The following TNS3 variants were observed in gnomAD, a reference collection of about 807,000 sequenced individuals.
TNS3 encodes tensin-3.
In TNS3, 45 loss-of-function variants were observed where a neutral mutation model predicts 140.9. The observed-to-expected ratio is 0.32, with a 90% CI of 0.25 to 0.41. The LOEUF is 0.41. Among genes scored for constraint, TNS3 ranks in the 10% least tolerant of loss-of-function variants. The pLI, the probability that TNS3 is intolerant of heterozygous loss-of-function variation, is 1.00. For synonymous variants in TNS3, 815 were observed against 788.4 expected (o/e 1.03, Z -0.56); for missense variants, 1,716 against 1,906.7 (o/e 0.90, Z 1.86).
At chr7:47,488,293 C>G (rs1406481511) in intron 3 of TNS3, among the ~76,000 whole-genome samples, 2 of 152,146 alleles carry the variant, frequency 1.3e-5, no homozygotes, top group Non-Finnish European at 1.5e-5. Flanking sequence ...TGACACTGAC[C>G]CAAGTGTTTA....
chr7:47,295,695 C>A (rs1308737732), intron 24 of TNS3, among the ~76,000 whole-genome samples: 1 of 152,174 alleles, frequency 6.6e-6, no homozygotes, highest in Non-Finnish European at 1.5e-5. Context: ...TCTTTCCCAG[C>A]CTCACTCCCC....
chr7:47,488,641 C>T (rs2941546), intron 3 of TNS3, among the ~76,000 whole-genome samples: 107,787 of 152,176 alleles, frequency 0.71, 38,753 homozygotes, highest in East Asian at 0.86. Flanking sequence ...TCCTGCCATA[C>T]TCTGGGGTCC....
intron 4 of TNS3, among the ~76,000 whole-genome samples, chr7:47,451,198 T>C (rs115531105): frequency 0.01 from 1,564 of 152,226 alleles, 24 homozygotes; most frequent in African/African-American, 0.036. Flanking sequence ...AAAGAGAATA[T>C]CAGCTCCCCT....
chr7:47,478,615 A>G (rs1188806346), intron 4 of TNS3, among the ~76,000 whole-genome samples: 2 of 152,186 alleles, frequency 1.3e-5, no homozygotes, highest in South Asian at 2.1e-4. Flanking sequence ...ACATTTATAT[A>G]CATAATATAT....
chr7:47,329,891 G>C (rs529759670), intron 20 of TNS3, among the ~76,000 whole-genome samples: 1 of 152,304 alleles, frequency 6.6e-6, no homozygotes, highest in South Asian at 2.1e-4. Context: ...GCAGGGAGGA[G>C]GAGGCAGGGC....
intron 4 of TNS3, among the ~76,000 whole-genome samples, chr7:47,451,883 C>T (rs557518075): frequency 8.5e-5 from 13 of 152,292 alleles, no homozygotes; most frequent in Admixed American, 7.2e-4. Context: ...CCAGCACATA[C>T]GACTTGGGGG....
chr7:47,422,902 G>A (rs1794453550), intron 10 of TNS3, among the ~76,000 whole-genome samples: 1 of 151,830 alleles, frequency 6.6e-6, no homozygotes, highest in African/African-American at 2.4e-5. Context: ...CCAAGTGACT[G>A]TTTAACTAAA....
At chr7:47,437,766 ACACACAC>A (rs1795257631) in intron 6 of TNS3, among the ~76,000 whole-genome samples, 1 of 146,634 alleles carries the variant, frequency 6.8e-6, no homozygotes, top group Non-Finnish European at 1.5e-5. Flanking sequence ...ACACACACAC[ACACACAC>A]ACACACACAC....
At chr7:47,295,402 G>A (rs537148697) in intron 24 of TNS3, among the ~76,000 whole-genome samples, 4 of 152,158 alleles carry the variant, frequency 2.6e-5, no homozygotes, top group African/African-American at 9.6e-5. Context: ...CTGCAGACTC[G>A]CCAGATGCTC....
At chr7:47,317,844 C>T (rs898792162) in intron 20 of TNS3, among the ~76,000 whole-genome samples, 1 of 152,138 alleles carries the variant, frequency 6.6e-6, no homozygotes, top group Non-Finnish European at 1.5e-5. Flanking sequence ...GAGAGAGAGA[C>T]CCACCCGCTG....
chr7:47,362,088 G>A (rs527693588), intron 17 of TNS3, among the ~76,000 whole-genome samples: 1 of 152,160 alleles, frequency 6.6e-6, no homozygotes, highest in African/African-American at 2.4e-5. Context: ...GACCCAGAGT[G>A]GGGCGGGGAC....
intron 7 of TNS3, among the ~76,000 whole-genome samples, chr7:47,435,685 G>A (rs2151538727): frequency 6.6e-6 from 1 of 152,302 alleles, no homozygotes; most frequent in Non-Finnish European, 1.5e-5. Context: ...TGCTGATGGT[G>A]CAGGTTGTGT....
At chr7:47,500,508 A>T (rs958727388) in intron 3 of TNS3, among the ~76,000 whole-genome samples, 2 of 152,202 alleles carry the variant, frequency 1.3e-5, no homozygotes, top group African/African-American at 4.8e-5. Flanking sequence ...TGACGAGTAA[A>T]TGACAGAGCA....
intron 1 of TNS3, among the ~76,000 whole-genome samples, chr7:47,531,510 G>A (rs1326763664): frequency 2.0e-5 from 3 of 152,182 alleles, no homozygotes; most frequent in Non-Finnish European, 4.4e-5. Context: ...CAGATGAAGA[G>A]CACCAGAAAT....
intron 20 of TNS3, among the ~76,000 whole-genome samples, chr7:47,321,963 C>T (rs888012114): frequency 6.6e-6 from 1 of 152,116 alleles, no homozygotes; most frequent in Non-Finnish European, 1.5e-5. Flanking sequence ...CAAGGTTTTC[C>T]TGATGATGAA....
intron 16 of TNS3, 100 bp downstream of exon 16, chr7:47,396,700 T>A (rs913673579): frequency 1.0e-6 from 1 of 985,240 alleles, no homozygotes. Flanking sequence ...AGGGGAAATT[T>A]TTTCTTCTTA....
At chr7:47,336,207 A>AAG (rs1332596772) in intron 20 of TNS3, among the ~76,000 whole-genome samples, 6 of 148,204 alleles carry the variant, frequency 4.0e-5, no homozygotes, top group African/African-American at 1.5e-4. Context: ...AAAAAAAAAA[A>AAG]GGCAGTGAAT....
At chr7:47,397,130 T>A in intron 15 of TNS3, among the ~76,000 whole-genome samples, 1 of 152,212 alleles carries the variant, frequency 6.6e-6, no homozygotes, top group East Asian at 1.9e-4. Context: ...AAGTAAGCAC[T>A]GATCTTTCGT....
intron 4 of TNS3, among the ~76,000 whole-genome samples, chr7:47,469,276 G>A (rs1055186368): frequency 1.3e-5 from 2 of 152,150 alleles, no homozygotes; most frequent in African/African-American, 2.4e-5. Context: ...CTTAACAAAA[G>A]AAACTATCAA....
Sources: allele counts gnomAD v4.1 joint callset (sites outside exome capture counted in the v4.1 genomes callset), GRCh38; gene constraint gnomAD v4.1.1; transcripts MANE v1.5; gene names NCBI Gene and HGNC (gene_info 2026-07-23, HGNC 2026-07-21).